The following ITGAL variants were observed in gnomAD, a reference collection of about 807,000 sequenced individuals.
ITGAL encodes integrin subunit alpha L, also known as integrin alpha-L.
Under a neutral mutation model 138.4 loss-of-function variants are expected in ITGAL, and 68 were observed. The observed-to-expected ratio is 0.49, with a 90% confidence interval of 0.40 to 0.60. The LOEUF (loss-of-function observed/expected upper bound fraction) is 0.60. Ranked by LOEUF, ITGAL falls within the 20% of genes least tolerant of loss-of-function variation. ITGAL has a pLI of 0.00. For synonymous variants in ITGAL, 561 were observed against 584.3 expected (o/e 0.96, Z 0.57); for missense variants, 1,256 against 1,478.6 (o/e 0.85, Z 2.47).
At chr16:30,501,274 T>C (rs1301589877) in intron 17 of ITGAL, among the ~76,000 whole-genome samples, 2 of 152,230 alleles carry the variant, frequency 1.3e-5, no homozygotes, top group East Asian at 3.9e-4. Context: ...AATTTTTAAT[T>C]ATGAAATATT....
At position 30,494,309 on chromosome 16, in the gene ITGAL, A is replaced by G. The variant is rs748251156; in HGVS notation, c.1311A>G (p.Gln437=). 2 of 1,613,450 alleles carry G rather than the reference A, an allele frequency of 1.2e-6. No homozygotes were observed. The highest frequency in any genetic ancestry group is 1.7e-5 in the Admixed American group (1 of 60,018). Residue 437 remains glutamine, a synonymous_variant, in exon 12 of 31, where the codon CAA becomes CAG. Coordinates refer to ENST00000356798, the MANE Select transcript of ITGAL (RefSeq NM_002209.3). The surrounding 1 kb of genome is among the most constrained non-coding windows in gnomAD (Gnocchi z 4.2). Reference sequence around the variant, plus strand: ...ACATGGGCCGAGTGCTGCTGTTCCAAGAGCCACAGGGCGGAGGACACTGGA... The same window carrying G: ...ACATGGGCCGAGTGCTGCTGTTCCAGGAGCCACAGGGCGGAGGACACTGGA... ...YQHMGRVLLF[Q]EPQGGGHWSQ...
chr16:30,475,443 G>A (rs368669819), intron 3 of ITGAL, 43 bp downstream of exon 3: 76 of 1,602,750 alleles, frequency 4.7e-5, no homozygotes, highest in African/African-American at 1.3e-5. Flanking sequence ...GGATCTTGGG[G>A]AAACTGAGGC....
chr16:30,478,000 G>GGAAT (rs2050495795), intron 4 of ITGAL, among the ~76,000 whole-genome samples: 1 of 150,276 alleles, frequency 6.7e-6, no homozygotes, highest in African/African-American at 2.4e-5. Context: ...AAGGAAGGAA[G>GGAAT]AAGAAAAAGA....
intron 21 of ITGAL, among the ~76,000 whole-genome samples, chr16:30,507,079 T>C (rs1445058965): frequency 6.6e-6 from 1 of 152,124 alleles, no homozygotes; most frequent in Admixed American, 6.6e-5. Context: ...TCCCAACACT[T>C]TGGGAGGCCA....
chr16:30,504,966 A>G (rs1880635700), intron 18 of ITGAL: 1 of 234,584 alleles, frequency 4.3e-6, no homozygotes, highest in East Asian at 8.0e-5. Flanking sequence ...GGTTGCAGTG[A>G]GCAGAGATTG....
At chr16:30,477,108 C>T (rs2050482909) in intron 4 of ITGAL, 1 of 152,234 alleles carries the variant, frequency 6.6e-6, no homozygotes, top group Non-Finnish European at 1.5e-5. Flanking sequence ...GTTCATTGCT[C>T]TCTCCAACTT....
chr16:30,508,357 C>T (rs1256637698), intron 21 of ITGAL, among the ~76,000 whole-genome samples: 2 of 151,880 alleles, frequency 1.3e-5, no homozygotes, highest in Non-Finnish European at 2.9e-5. Flanking sequence ...GGGATACAGG[C>T]GCCTGCCACC....
intron 17 of ITGAL, among the ~76,000 whole-genome samples, chr16:30,503,599 AAAAG>A (rs2050939316): frequency 6.6e-6 from 1 of 151,728 alleles, no homozygotes; most frequent in African/African-American, 2.4e-5. Context: ...AAGAAAGAAA[AAAAG>A]AAAAGAAAGA....
chr16:30,491,291 C>A (rs1484980050), intron 11 of ITGAL, among the ~76,000 whole-genome samples: 1 of 151,754 alleles, frequency 6.6e-6, no homozygotes, highest in Non-Finnish European at 1.5e-5. Context: ...ATCCCAGCTA[C>A]TCGGGAGGCT....
At chr16:30,515,698 G>A (rs1366793095) in intron 25 of ITGAL, among the ~76,000 whole-genome samples, 8 of 152,100 alleles carry the variant, frequency 5.3e-5, no homozygotes, top group African/African-American at 7.2e-5. Context: ...CTGGTCAGGC[G>A]CGGTGGCTCA....
intron 25 of ITGAL, among the ~76,000 whole-genome samples, chr16:30,516,632 C>T (rs373526954): frequency 3.9e-5 from 6 of 152,042 alleles, no homozygotes; most frequent in Non-Finnish European, 7.4e-5. Context: ...GATCCTTTGC[C>T]GTCCTGCTGG....
chr16:30,483,569 ACCT>A (rs1385755224), intron 7 of ITGAL, among the ~76,000 whole-genome samples: 1 of 151,554 alleles, frequency 6.6e-6, no homozygotes, highest in Non-Finnish European at 1.5e-5. Flanking sequence ...TCCTCACAAA[ACCT>A]CCTCCTCCTG....
intron 17 of ITGAL, 82 bp downstream of exon 17, chr16:30,499,571 G>A (rs2050854270): frequency 1.2e-5 from 17 of 1,363,264 alleles, no homozygotes; most frequent in Non-Finnish European, 1.6e-5. Context: ...TGGGTGACAC[G>A]TCACTTCCAT....
chr16:30,484,280 G>A lies in ITGAL; in HGVS notation c.1006+17G>A, dbSNP rs370949720. ...TCATTGAGGGTGAGTGGCAGGCCCT[G>A]GGAGAGGGCTCGGGAGTCTGCATAA... On this transcript the variant is annotated intron_variant, in intron 9 of 30. Coordinates refer to ENST00000356798, the MANE Select transcript of ITGAL (RefSeq NM_002209.3). 4 of 1,608,574 alleles carry A rather than the reference G, an allele frequency of 2.5e-6. No individual in the cohort carries two copies. The highest frequency in any genetic ancestry group is 3.4e-6 in the Non-Finnish European group (4 of 1,176,048).
At chr16:30,517,136 T>C in intron 26 of ITGAL, 50 bp downstream of exon 26, 4 of 1,206,062 alleles carry the variant, frequency 3.3e-6, no homozygotes, top group Non-Finnish European at 4.8e-6. Flanking sequence ...GTCTTGGGGG[T>C]GAGTGCATTT....
chr16:30,479,590 G>A (rs1251103990), intron 6 of ITGAL, 129 bp downstream of exon 6: 2 of 804,782 alleles, frequency 2.5e-6, no homozygotes, highest in East Asian at 2.7e-5. Context: ...CTGGGCCTCT[G>A]GAAGGGACAA....
intron 9 of ITGAL, among the ~76,000 whole-genome samples, chr16:30,485,096 C>G (rs1184328445): frequency 1.3e-5 from 2 of 151,886 alleles, no homozygotes; most frequent in Non-Finnish European, 2.9e-5. Context: ...CCTCTGTGAT[C>G]TTTCTTTCTC....
rs749574132 is a variant in ITGAL at position 30,506,826 on chromosome 16, A to G, written c.2478A>G (p.Gly826=). The G allele has an allele frequency of 5.6e-6, 9 of 1,612,810 alleles. No homozygotes were observed. In the East Asian group the frequency reaches 2.0e-4, roughly 36 times the overall value. The change falls in exon 21 of 31, where the codon GGA becomes GGG. Residue 826 remains glycine, a synonymous_variant. Coordinates refer to ENST00000356798, the MANE Select transcript of ITGAL (RefSeq NM_002209.3). ...AGCTGGACCTGCACTTCCCCCCGGG[A>G]CTCTCCTTCCGCAAGGTGGAGATGC... ...WVQLDLHFPP[G]LSFRKVEMLK... is the part of the protein sequence containing the mutation.
rs2051175661 is a variant in ITGAL, at chr16:30,516,972, G to C, written c.2863-1G>C. The C allele has an allele frequency of 1.2e-6, 2 of 1,609,414 alleles. No individual in the cohort carries two copies. The highest frequency in any genetic ancestry group is 1.7e-6 in the Non-Finnish European group (2 of 1,175,840). On this transcript the variant is annotated splice_acceptor_variant, in intron 25 of 30. Transcript: ENST00000356798. LOFTEE classifies it high-confidence loss of function. The stretch of plus-strand genomic sequence containing the variant: ...TCTGCATCCCTTGTCCTCTGTGCCA[G>C]GTGAGGATCCAGCCTTCCATCCACG...
Sources: allele counts gnomAD v4.1 joint callset (sites outside exome capture counted in the v4.1 genomes callset), GRCh38; gene constraint gnomAD v4.1.1; non-coding constraint Gnocchi (gnomAD v3.1); transcripts MANE v1.5; gene names NCBI Gene and HGNC (gene_info 2026-07-23, HGNC 2026-07-21).